Variants in LPP observed in about 807,000 individuals in gnomAD.
The protein encoded by LPP is lipoma-preferred partner.
Under a neutral mutation model 60.4 loss-of-function variants are expected in LPP, and 38 were observed. The ratio of observed to expected loss-of-function variants is 0.63; its 90% CI spans 0.49 to 0.83. The LOEUF is 0.83. Ranked by LOEUF, LPP falls within the 40% of genes least tolerant of loss-of-function variation. LPP has a pLI of 0.00. For synonymous variants in LPP, 328 were observed against 290.8 expected (o/e 1.13, Z -1.30); for missense variants, 902 against 783.6 (o/e 1.15, Z -1.80).
Position 188,494,686 on chromosome 3 carries a change from A to G in LPP, c.306+9982A>G, listed in dbSNP as rs1289346270. Among the ~76,000 whole-genome samples, 6 of 151,948 alleles carry G rather than the reference A, an allele frequency of 3.9e-5. No homozygotes were observed. In the East Asian group the frequency reaches 1.2e-3, roughly 30 times the overall value. ...GCTCTCTGATAGCATTATCTAAGCC[A>G]AAGAAAGCTTCAGAGACAGCATAAT... On this transcript the variant is annotated intron_variant, in intron 5 of 11. Coordinates refer to ENST00000617246, the MANE Select transcript of LPP (RefSeq NM_001375462.1).
intron 9 of LPP, among the ~76,000 whole-genome samples, chr3:188,802,182 G>A (rs1747477226): frequency 1.3e-5 from 2 of 152,076 alleles, no homozygotes; most frequent in Non-Finnish European, 2.9e-5. Flanking sequence ...GCATTCTCTT[G>A]AATGCTTAGT....
At chr3:188,502,487 C>T (rs1022536797) in intron 5 of LPP, among the ~76,000 whole-genome samples, 3 of 152,046 alleles carry the variant, frequency 2.0e-5, no homozygotes, top group African/African-American at 7.2e-5. Context: ...TCATTTTAAA[C>T]TGTTTGTGTC....
chr3:188,396,431 A>G (rs1458111260), intron 3 of LPP, among the ~76,000 whole-genome samples: 1 of 152,238 alleles, frequency 6.6e-6, no homozygotes, highest in African/African-American at 2.4e-5. Context: ...GTAAATGGAT[A>G]TCTAAAATGG....
At chr3:188,455,225 T>A (rs1479951230) in intron 4 of LPP, among the ~76,000 whole-genome samples, 1 of 152,116 alleles carries the variant, frequency 6.6e-6, no homozygotes, top group East Asian at 1.9e-4. Context: ...TTAAGGCTAT[T>A]ATTAATAGTA....
intron 2 of LPP, among the ~76,000 whole-genome samples, chr3:188,307,255 C>G (rs910502219): frequency 6.6e-6 from 1 of 152,092 alleles, no homozygotes; most frequent in Non-Finnish European, 1.5e-5. Context: ...GAAACCAAAG[C>G]CTGTTCTCTT....
At position 188,182,023 on chromosome 3, in the gene LPP, C is replaced by A. The variant is rs906210878; in HGVS notation, c.-190+27771C>A. Among the ~76,000 whole-genome samples the A allele has an allele frequency of 6.6e-6, 1 of 152,240 alleles. No homozygotes were observed. The highest frequency in any genetic ancestry group is 1.9e-4 in the East Asian group (1 of 5,200). The stretch of plus-strand genomic sequence containing the variant: ...GATGCCCACAGCACTTTGGCCAGAT[C>A]TCTGATATAGAATTTAAGGCACATT... On this transcript the variant is annotated intron_variant, in intron 1 of 11. Transcript: ENST00000617246. The surrounding 1 kb of genome is among the most constrained non-coding windows in gnomAD (Gnocchi z 4.4).
At chr3:188,491,780 A>G (rs1334237427) in intron 5 of LPP, among the ~76,000 whole-genome samples, 1 of 152,184 alleles carries the variant, frequency 6.6e-6, no homozygotes, top group Non-Finnish European at 1.5e-5. Context: ...TTCAGATAAG[A>G]AGATGGACAT....
intron 3 of LPP, among the ~76,000 whole-genome samples, chr3:188,360,655 C>A (rs1303046298): frequency 6.6e-6 from 1 of 152,174 alleles, no homozygotes; most frequent in Non-Finnish European, 1.5e-5. Context: ...CCACATCTGG[C>A]CTGAATTAGA....
intron 7 of LPP, among the ~76,000 whole-genome samples, chr3:188,660,260 G>A (rs1036938810): frequency 2.6e-5 from 4 of 152,132 alleles, no homozygotes; most frequent in African/African-American, 9.7e-5. Flanking sequence ...TACAATAATT[G>A]CAACAGCATG....
chr3:188,847,982 T>C (rs943638497), intron 9 of LPP, among the ~76,000 whole-genome samples: 1 of 152,196 alleles, frequency 6.6e-6, no homozygotes, highest in Non-Finnish European at 1.5e-5. Context: ...TTAAGGAGAC[T>C]TCCCCTCTCA....
chr3:188,605,961 G>A (rs1207575385), intron 6 of LPP, among the ~76,000 whole-genome samples: 1 of 152,106 alleles, frequency 6.6e-6, no homozygotes, highest in Non-Finnish European at 1.5e-5. Flanking sequence ...AATGACTGGA[G>A]GACACTGTTA....
At chr3:188,830,008 TAA>T (rs11360601) in intron 9 of LPP, among the ~76,000 whole-genome samples, 168 of 143,936 alleles carry the variant, frequency 1.2e-3, no homozygotes, top group East Asian at 1.6e-3. Flanking sequence ...CCCATCTCAT[TAA>T]AAAAAAAAAA....
intron 2 of LPP, among the ~76,000 whole-genome samples, chr3:188,253,004 C>T (rs1730434343): frequency 6.6e-6 from 1 of 151,106 alleles, no homozygotes; most frequent in Non-Finnish European, 1.5e-5. Context: ...AACTCCTAAC[C>T]TCAAGTGATC....
chr3:188,833,997 C>T (rs911829734), intron 9 of LPP, among the ~76,000 whole-genome samples: 5 of 152,078 alleles, frequency 3.3e-5, no homozygotes, highest in African/African-American at 9.7e-5. Flanking sequence ...TTGCCTGCTT[C>T]GGGAAGAACA....
intron 2 of LPP, among the ~76,000 whole-genome samples, chr3:188,324,332 C>T (rs1339855278): frequency 1.3e-5 from 2 of 152,052 alleles, no homozygotes; most frequent in African/African-American, 4.8e-5. Context: ...CTATTATTAC[C>T]ATAAGTCCAA....
At chr3:188,511,372 T>A (rs552421391) in intron 5 of LPP, among the ~76,000 whole-genome samples, 2 of 147,402 alleles carry the variant, frequency 1.4e-5, no homozygotes, top group East Asian at 4.1e-4. Context: ...TATCAGTGTG[T>A]CTTGAATATT....
chr3:188,729,678 C>G (rs373846884), intron 8 of LPP, among the ~76,000 whole-genome samples: 157 of 152,164 alleles, frequency 1.0e-3, no homozygotes, highest in African/African-American at 3.5e-3. Flanking sequence ...ATCAGCAATA[C>G]TGTAAGAACA....
chr3:188,708,858 G>A (rs190378035), intron 8 of LPP: 15 of 179,846 alleles, frequency 8.3e-5, no homozygotes, highest in Admixed American at 7.4e-4. Flanking sequence ...GGACAACAGA[G>A]TGAGACCCTG....
At chr3:188,215,938 G>C (rs1470569722) in intron 1 of LPP, among the ~76,000 whole-genome samples, 1 of 152,208 alleles carries the variant, frequency 6.6e-6, no homozygotes, top group East Asian at 1.9e-4. Context: ...GCTGTACGCA[G>C]CTATGCTTCC....
Sources: gnomAD v4.1 joint callset for allele counts (sites outside exome capture counted in the v4.1 genomes callset) on GRCh38, gnomAD v4.1.1 for gene constraint, Gnocchi (gnomAD v3.1) non-coding constraint, MANE v1.5 for transcripts, NCBI Gene and HGNC (gene_info 2026-07-23, HGNC 2026-07-21) for gene names.